Variants in RBFOX1 observed in about 807,000 individuals in gnomAD.
RBFOX1 encodes the protein RNA binding protein fox-1 homolog 1.
A neutral mutation model predicts 57.7 loss-of-function variants in RBFOX1; 8 were observed. The observed-to-expected ratio is 0.14, with a 90% CI of 0.08 to 0.25. RBFOX1 has a LOEUF of 0.25. Ranked by LOEUF, RBFOX1 falls within the 10% of genes least tolerant of loss-of-function variation. The pLI is 1.00. For missense variants in RBFOX1, 611 were observed against 548.5 expected (o/e 1.11, Z -1.14); for synonymous variants, 326 against 222.4 (o/e 1.47, Z -4.15).
At chr16:6,898,931 G>T (rs566331272) in intron 3 of RBFOX1, among the ~76,000 whole-genome samples, 25 of 151,500 alleles carry the variant, frequency 1.7e-4, no homozygotes, top group African/African-American at 5.8e-4. Context: ...GTATATGTGT[G>T]TATGTGTGTA....
intron 4 of RBFOX1, among the ~76,000 whole-genome samples, chr16:5,973,586 T>A (rs564447845): frequency 6.6e-6 from 1 of 152,232 alleles, no homozygotes; most frequent in African/African-American, 2.4e-5. Flanking sequence ...TGGTTAATTT[T>A]GTGTCAGGTT....
rs549283295 is a variant in RBFOX1 at position 5,540,641 on chromosome 16, C to T, written c.259-58261C>T. Among the ~76,000 whole-genome samples, 7 of 152,194 alleles carry T rather than the reference C, an allele frequency of 4.6e-5. No individual in the cohort carries two copies. In the South Asian group the frequency reaches 1.5e-3, roughly 32 times the overall value. On this transcript the variant is annotated intron_variant, in intron 2 of 2. Transcript: ENST00000585867. Reference sequence around the variant, plus strand: ...TCACCTGACGCGTTTGTTAAAAATCCAGATTTCTGGGTCTGATCTCAGATT... The same window carrying T: ...TCACCTGACGCGTTTGTTAAAAATCTAGATTTCTGGGTCTGATCTCAGATT...
intron 2 of RBFOX1, among the ~76,000 whole-genome samples, chr16:6,403,893 T>C (rs1329110250): frequency 6.6e-6 from 1 of 152,116 alleles, no homozygotes; most frequent in Non-Finnish European, 1.5e-5. Flanking sequence ...CCTGATTCAA[T>C]AGGACTGGTG....
intron 2 of RBFOX1, among the ~76,000 whole-genome samples, chr16:6,495,207 C>T (rs981801446): frequency 6.6e-6 from 1 of 152,104 alleles, no homozygotes; most frequent in Non-Finnish European, 1.5e-5. Flanking sequence ...CAACTTCTGC[C>T]TCCCGGATTC....
intron 4 of RBFOX1, among the ~76,000 whole-genome samples, chr16:5,971,020 TC>T (rs1243650073): frequency 6.6e-6 from 1 of 152,218 alleles, no homozygotes; most frequent in Non-Finnish European, 1.5e-5. Flanking sequence ...TTGCTATGTG[TC>T]CATACCAGAG....
intron 3 of RBFOX1, among the ~76,000 whole-genome samples, chr16:6,654,856 C>T (rs1383769602): frequency 1.3e-5 from 2 of 149,426 alleles, no homozygotes; most frequent in African/African-American, 4.9e-5. Flanking sequence ...ATGAGGAGTG[C>T]ATATTGTAAT....
At chr16:7,190,987 G>A (rs766103021) in intron 4 of RBFOX1, among the ~76,000 whole-genome samples, 1 of 151,900 alleles carries the variant, frequency 6.6e-6, no homozygotes, top group Non-Finnish European at 1.5e-5. Flanking sequence ...AGGGGCCCAG[G>A]AATGCGAAGT....
At chr16:7,192,922 G>C (rs182857870) in intron 4 of RBFOX1, among the ~76,000 whole-genome samples, 4 of 152,308 alleles carry the variant, frequency 2.6e-5, no homozygotes, top group African/African-American at 9.6e-5. Context: ...TGAGAACAAT[G>C]TAAAAAGCAG....
intron 3 of RBFOX1, among the ~76,000 whole-genome samples, chr16:6,910,183 C>CA (rs2071191695): frequency 1.3e-5 from 2 of 152,048 alleles, no homozygotes; most frequent in East Asian, 3.9e-4. Context: ...AAAGCAGACT[C>CA]AAGCAGAAAA....
At chr16:6,848,287 G>T (rs1262837373) in intron 3 of RBFOX1, among the ~76,000 whole-genome samples, 1 of 152,152 alleles carries the variant, frequency 6.6e-6, no homozygotes, top group African/African-American at 2.4e-5. Flanking sequence ...CATGTGGGAA[G>T]GTGGGCATAG....
At chr16:7,057,232 A>G (rs562606156) in intron 4 of RBFOX1, among the ~76,000 whole-genome samples, 3 of 152,320 alleles carry the variant, frequency 2.0e-5, no homozygotes, top group South Asian at 2.1e-4. Context: ...ATGGTGAAGT[A>G]TTTAGGAGAT....
At position 6,864,212 on chromosome 16, in the gene RBFOX1, A is replaced by C. The variant is rs115464383; in HGVS notation, c.-15-187845A>C. ...CATAAATAATTCACTTTTTTCTTCT[A>C]TGTCACTGTATTCCTAGGGTTCTTC... On this transcript the variant is annotated intron_variant, in intron 3 of 15. Transcript: ENST00000550418. 3.3e-5 allele frequency among the ~76,000 whole-genome samples: 5 copies of C among 152,090 alleles called. 1 individual carries two copies. The South Asian group carries it at 1.0e-3, about 32-fold the overall frequency.
chr16:5,973,361 CCTG>C (rs926304754), intron 4 of RBFOX1, among the ~76,000 whole-genome samples: 1 of 152,170 alleles, frequency 6.6e-6, no homozygotes, highest in African/African-American at 2.4e-5. Context: ...TCTTCACCAA[CCTG>C]CTATTTTTCT....
At chr16:7,552,693 C>CT (rs1331112904) in intron 5 of RBFOX1, among the ~76,000 whole-genome samples, 2 of 151,982 alleles carry the variant, frequency 1.3e-5, no homozygotes, top group African/African-American at 2.4e-5. Context: ...GTTTTTCTTT[C>CT]TTTTTTTGCA....
intron 1 of RBFOX1, among the ~76,000 whole-genome samples, chr16:5,250,702 G>T (rs552519150): frequency 1.1e-4 from 15 of 133,278 alleles, no homozygotes; most frequent in Admixed American, 3.1e-4. Context: ...TTGGAACCTG[G>T]GTATACCACC....
At chr16:7,513,716 C>T (rs1245191565) in intron 4 of RBFOX1, among the ~76,000 whole-genome samples, 2 of 152,170 alleles carry the variant, frequency 1.3e-5, no homozygotes, top group Non-Finnish European at 2.9e-5. Flanking sequence ...CAGCACAGTG[C>T]CTGCCACCTA....
intron 1 of RBFOX1, among the ~76,000 whole-genome samples, chr16:5,461,763 C>A (rs967514062): frequency 6.6e-6 from 1 of 152,072 alleles, no homozygotes. Context: ...GATGGATGGC[C>A]CTGTGTCTGT....
At chr16:6,798,742 C>T (rs2084678458) in intron 3 of RBFOX1, among the ~76,000 whole-genome samples, 1 of 151,988 alleles carries the variant, frequency 6.6e-6, no homozygotes, top group African/African-American at 2.4e-5. Context: ...GAAAATAACC[C>T]ATGATAAATG....
intron 2 of RBFOX1, among the ~76,000 whole-genome samples, chr16:6,320,782 A>T (rs184338702): frequency 6.6e-4 from 98 of 149,382 alleles, no homozygotes; most frequent in Non-Finnish European, 1.1e-3. Context: ...TTAAAAAAAA[A>T]TTTGTTACTT....
Sources: gnomAD v4.1 joint callset for allele counts (sites outside exome capture counted in the v4.1 genomes callset) on GRCh38, gnomAD v4.1.1 for gene constraint, MANE v1.5 for transcripts, NCBI Gene and HGNC (gene_info 2026-07-23, HGNC 2026-07-21) for gene names.